NDUFB2: variants seen among roughly 807,000 people sequenced by gnomAD.
NDUFB2 encodes the protein NADH dehydrogenase [ubiquinone] 1 beta subcomplex subunit 2, mitochondrial.
NDUFB2 carries 13 observed loss-of-function variants against 13.4 expected under a neutral mutation model. The observed-to-expected ratio is 0.97, with a 90% CI of 0.63 to 1.54. The LOEUF is 1.54. Among genes scored for constraint, NDUFB2 ranks in the 40% most tolerant of loss-of-function variants. NDUFB2 has a pLI of 0.00. For missense variants in NDUFB2, 150 were observed against 139.7 expected (o/e 1.07, Z -0.37); for synonymous variants, 47 against 50.6 (o/e 0.93, Z 0.30).
intron 1 of NDUFB2, chr7:140,697,381 A>G (rs569676025): frequency 4.8e-5 from 34 of 702,564 alleles, no homozygotes; most frequent in South Asian, 3.1e-4. Context: ...GCCCAGAGAG[A>G]GCGCCGTCGG....
At chr7:140,696,976 T>A in intron 1 of NDUFB2, 134 bp downstream of exon 1, 1 of 801,832 alleles carries the variant, frequency 1.2e-6, no homozygotes, top group South Asian at 1.7e-5. Context: ...AGTCCGCGTG[T>A]CTCCTGAAGC....
At chr7:140,697,422 C>G (rs868340290) in intron 1 of NDUFB2, 11 of 702,688 alleles carry the variant, frequency 1.6e-5, no homozygotes, top group Middle Eastern at 2.3e-4. Flanking sequence ...GAAGCCAACG[C>G]TGGGGCAGCC....
chr7:140,697,963 G>A, intron 1 of NDUFB2: 1 of 1,276,362 alleles, frequency 7.8e-7, no homozygotes, highest in African/African-American at 1.5e-5. Context: ...GCCTCCCAAA[G>A]TGTTGGGAAT....
intron 1 of NDUFB2, chr7:140,702,641 G>A (rs998550570): frequency 1.5e-5 from 7 of 470,144 alleles, no homozygotes; most frequent in African/African-American, 1.4e-4. Flanking sequence ...TTCACTAATT[G>A]AAAACCAAAA....
intron 1 of NDUFB2, among the ~76,000 whole-genome samples, chr7:140,698,669 C>G (rs1181765931): frequency 1.3e-5 from 2 of 152,030 alleles, no homozygotes; most frequent in East Asian, 3.9e-4. Context: ...GTGGAGAGGC[C>G]AGAGCCCGCA....
At chr7:140,700,447 T>C (rs1794880539) in intron 1 of NDUFB2, among the ~76,000 whole-genome samples, 1 of 151,952 alleles carries the variant, frequency 6.6e-6, no homozygotes. Flanking sequence ...TAATCAGTTT[T>C]ACTGCTGGGC....
intron 3 of NDUFB2, chr7:140,705,775 A>G (rs911064048): frequency 6.6e-6 from 1 of 152,236 alleles, no homozygotes; most frequent in African/African-American, 2.4e-5. Context: ...CTGCAAAACT[A>G]CAGTGTCCTG....
At chr7:140,705,147 T>C (rs1794948575) in intron 3 of NDUFB2, 184 bp downstream of exon 3, 2 of 368,014 alleles carry the variant, frequency 5.4e-6, no homozygotes, top group Non-Finnish European at 9.6e-6. Context: ...TCGCCCAGAC[T>C]GGAGTGCAGT....
At chr7:140,706,075 G>GTTATGTT (rs1563216388) in intron 3 of NDUFB2, 2 of 144,494 alleles carry the variant, frequency 1.4e-5, no homozygotes, top group Admixed American at 6.8e-5. Context: ...GTTATGTTAT[G>GTTATGTT]TTATGTTATG....
At chr7:140,706,093 A>ATGT (rs1794969265) in intron 3 of NDUFB2, 2 of 150,080 alleles carry the variant, frequency 1.3e-5, no homozygotes, top group African/African-American at 4.9e-5. Flanking sequence ...ATGTTATGTT[A>ATGT]TGTTATGTTA....
intron 1 of NDUFB2, among the ~76,000 whole-genome samples, chr7:140,700,029 T>G (rs1270969220): frequency 6.6e-6 from 1 of 151,950 alleles, no homozygotes; most frequent in East Asian, 1.9e-4. Flanking sequence ...CTACTTCAGG[T>G]TATGATTAAA....
intron 1 of NDUFB2, among the ~76,000 whole-genome samples, chr7:140,699,634 C>T (rs565843295): frequency 2.0e-5 from 3 of 151,850 alleles, no homozygotes; most frequent in Non-Finnish European, 4.4e-5. Context: ...CCCCAGGCTG[C>T]GTCTCTTTCC....
rs1007823422 is a variant in NDUFB2 at position 140,706,630 on chromosome 7, T to G, written c.*97T>G. 7.0e-6 allele frequency: 1 copy of G among 143,166 alleles called. No individual in the cohort carries two copies. The highest frequency in any genetic ancestry group is 2.6e-5 in the African/African-American group (1 of 38,944). 8.9% of individuals were successfully genotyped at this position (143,166 alleles called of 1,614,324 possible). A position where few individuals can be genotyped will look rare whatever the true frequency, so the allele number is the denominator to read the frequency against. On this transcript the variant is annotated 3_prime_UTR_variant, in exon 4 of 4. Transcript: ENST00000247866. Reference sequence around the variant, plus strand: ...CATTAAAGTTACAAATTAAAGTGGCTTGGTCAAGAATGAGAATGGAGTTGT... The same window carrying G: ...CATTAAAGTTACAAATTAAAGTGGCGTGGTCAAGAATGAGAATGGAGTTGT...
At chr7:140,697,148 G>C (rs575539164) in intron 1 of NDUFB2, 1 of 591,054 alleles carries the variant, frequency 1.7e-6, no homozygotes, top group South Asian at 2.0e-5. Flanking sequence ...GCGCCGGCGC[G>C]GGCGGTCCAG....
At chr7:140,704,233 A>G (rs905895178) in intron 2 of NDUFB2, among the ~76,000 whole-genome samples, 7 of 152,208 alleles carry the variant, frequency 4.6e-5, no homozygotes, top group Non-Finnish European at 1.0e-4. Context: ...CTTAAGCAGT[A>G]TGTAAGTTTT....
At chr7:140,702,171 T>C (rs1794907100) in intron 1 of NDUFB2, 4 of 633,596 alleles carry the variant, frequency 6.3e-6, no homozygotes, top group Non-Finnish European at 1.1e-5. Context: ...TATCCACTTC[T>C]GTTTATTAGC....
In NDUFB2 at chr7:140,697,452, C is replaced by T; in HGVS notation, c.98+610C>T. The T allele has an allele frequency of 4.3e-6, 3 of 698,638 alleles. No homozygotes were observed. In the South Asian group the frequency reaches 4.5e-5, roughly 10 times the overall value. The allele number at this position is 698,638 out of a possible 1,614,324, so 43.3% of individuals were successfully genotyped here. ...GCAGCCGTGGCGTTTAGGAGAGTGA[C>T]AGGCAGAGCCGCCCGCGAGGTGGCC... On this transcript the variant is annotated intron_variant, in intron 1 of 3. Coordinates refer to ENST00000247866, the MANE Select transcript of NDUFB2 (RefSeq NM_004546.3).
At chr7:140,697,185 T>TGTGGACGCTCCTGGAGCGAGGCGGGG in intron 1 of NDUFB2, 1 of 607,022 alleles carries the variant, frequency 1.6e-6, no homozygotes, top group Admixed American at 2.8e-5. Flanking sequence ...GCGCGGCGGG[T>TGTGGACGCTCCTGGAGCGAGGCGGGG]GTGGACGCTC....
intron 2 of NDUFB2, 149 bp downstream of exon 2, chr7:140,703,159 G>C: frequency 1.1e-6 from 1 of 917,692 alleles, no homozygotes; most frequent in South Asian, 1.8e-5. Flanking sequence ...CAAGAATCCT[G>C]TTATTTAATG....
Sources: gnomAD v4.1 joint callset for allele counts (sites outside exome capture counted in the v4.1 genomes callset) on GRCh38, gnomAD v4.1.1 for gene constraint, MANE v1.5 for transcripts, NCBI Gene and HGNC (gene_info 2026-07-23, HGNC 2026-07-21) for gene names.